The following ROBO1 variants were observed in gnomAD, a reference collection of about 807,000 sequenced individuals.
The protein encoded by ROBO1 is roundabout homolog 1.
ROBO1 carries 149 observed loss-of-function variants against 195.9 expected under a neutral mutation model. The ratio of observed to expected loss-of-function variants is 0.76; its 90% CI spans 0.67 to 0.87. ROBO1 has a LOEUF of 0.87. Among genes scored for constraint, ROBO1 ranks in the 40% least tolerant of loss-of-function variants. ROBO1 has a pLI of 0.00. For missense variants in ROBO1, 1,933 were observed against 2,068.3 expected, an observed-to-expected ratio of 0.93 and a Z score of 1.27; for synonymous variants, 816 against 733.2, an observed-to-expected ratio of 1.11 and a Z score of -1.82.
chr3:79,548,977 A>C (rs1040248243), intron 2 of ROBO1, among the ~76,000 whole-genome samples: 3 of 152,156 alleles, frequency 2.0e-5, no homozygotes, highest in African/African-American at 7.2e-5. Context: ...GGTCATTGCC[A>C]GTGGATGAAG....
In ROBO1 at chr3:78,598,377, T is replaced by C. The variant is rs528468517; in HGVS notation, c.*536A>G. ...TGTTTGTGGTTCTGCATTTGCTATA[T>C]TTTTAGTTTCTTCCAGCAAAGGGTA... On this transcript the variant is annotated 3_prime_UTR_variant, in exon 31 of 31. Coordinates refer to ENST00000464233, the MANE Select transcript of ROBO1 (RefSeq NM_002941.4). The C allele has an allele frequency of 6.5e-6, 1 of 152,700 alleles. No homozygotes were observed. The highest frequency in any genetic ancestry group is 2.1e-4 in the South Asian group (1 of 4,832). 9.5% of individuals were successfully genotyped at this position (152,700 alleles called of 1,614,324 possible).
At chr3:78,655,824 T>C (rs2107640309) in intron 18 of ROBO1, among the ~76,000 whole-genome samples, 1 of 152,328 alleles carries the variant, frequency 6.6e-6, no homozygotes, top group Admixed American at 6.5e-5. Context: ...TAACAACTGA[T>C]TGTAATATTA....
chr3:79,725,693 T>C (rs1014662244), intron 1 of ROBO1, among the ~76,000 whole-genome samples: 3 of 152,164 alleles, frequency 2.0e-5, no homozygotes, highest in East Asian at 1.9e-4. Flanking sequence ...TCTTCTTTTA[T>C]GTGGTAGAAT....
chr3:79,748,756 C>T (rs760112892), intron 1 of ROBO1, among the ~76,000 whole-genome samples: 2 of 152,126 alleles, frequency 1.3e-5, no homozygotes, highest in African/African-American at 4.8e-5. Flanking sequence ...TTTGCCTGCA[C>T]GAGCTCTTTG....
chr3:79,486,661 G>T (rs1038764598), intron 2 of ROBO1, among the ~76,000 whole-genome samples: 6 of 152,140 alleles, frequency 3.9e-5, no homozygotes, highest in Admixed American at 1.3e-4. Context: ...TTTTTAGGTA[G>T]GGTTCGGGGC....
chr3:79,050,190 A>G (rs1371520976), intron 3 of ROBO1, among the ~76,000 whole-genome samples: 1 of 152,146 alleles, frequency 6.6e-6, no homozygotes, highest in African/African-American at 2.4e-5. Flanking sequence ...AAATAAAGGG[A>G]TGGAGGAAGA....
At chr3:78,996,312 T>C (rs1280264563) in intron 3 of ROBO1, among the ~76,000 whole-genome samples, 2 of 130,536 alleles carry the variant, frequency 1.5e-5, no homozygotes, top group East Asian at 2.3e-4. Flanking sequence ...CTGAAACCCA[T>C]CTCTATTAAA....
chr3:79,335,849 A>G (rs1328113844), intron 2 of ROBO1, among the ~76,000 whole-genome samples: 1 of 152,150 alleles, frequency 6.6e-6, no homozygotes, highest in African/African-American at 2.4e-5. Context: ...CTTCCTAGAG[A>G]CTTGTTGAAT....
intron 2 of ROBO1, among the ~76,000 whole-genome samples, chr3:79,186,401 C>T (rs1273878842): frequency 6.6e-6 from 1 of 151,848 alleles, no homozygotes; most frequent in Non-Finnish European, 1.5e-5. Context: ...TACATGTCTA[C>T]AAACACACAC....
At chr3:79,605,909 G>A (rs557861994) in intron 1 of ROBO1, among the ~76,000 whole-genome samples, 3 of 151,432 alleles carry the variant, frequency 2.0e-5, no homozygotes, top group East Asian at 2.0e-4. Context: ...CAATGCTTTC[G>A]AGTAAAACAC....
intron 4 of ROBO1, among the ~76,000 whole-genome samples, chr3:78,775,168 TGA>T (rs1316014494): frequency 6.6e-6 from 1 of 152,202 alleles, no homozygotes; most frequent in Non-Finnish European, 1.5e-5. Flanking sequence ...AACCATCCAG[TGA>T]AATGCTATCT....
At chr3:79,173,347 C>T (rs113772953) in intron 2 of ROBO1, among the ~76,000 whole-genome samples, 2,767 of 152,196 alleles carry the variant, frequency 0.018, 35 homozygotes, top group South Asian at 0.026. Flanking sequence ...GGGAGAGGCG[C>T]GAGTGGGAAC....
chr3:79,309,020 A>G (rs1174082757), intron 2 of ROBO1, among the ~76,000 whole-genome samples: 1 of 152,122 alleles, frequency 6.6e-6, no homozygotes, highest in Non-Finnish European at 1.5e-5. Context: ...TGTCATAGGG[A>G]CATTGTCTCA....
At chr3:79,047,447 C>T (rs1346676873) in intron 3 of ROBO1, among the ~76,000 whole-genome samples, 1 of 151,960 alleles carries the variant, frequency 6.6e-6, no homozygotes, top group African/African-American at 2.4e-5. Flanking sequence ...TCAGAAATGG[C>T]TTTGGAGTGC....
intron 2 of ROBO1, among the ~76,000 whole-genome samples, chr3:79,276,349 C>G (rs766823881): frequency 1.3e-5 from 2 of 151,684 alleles, no homozygotes; most frequent in Non-Finnish European, 3.0e-5. Context: ...TTTGACAAAC[C>G]AAGAACTAAC....
rs117206039 is a variant in ROBO1 at position 79,538,571 on chromosome 3, C to T, written c.88+51253G>A. On this transcript the variant is annotated intron_variant, in intron 2 of 30. Transcript: ENST00000464233. ...ATGTTTACTGTTGGTTACCTGCAAC[C>T]GAAAAGGTACATGGCAGACCCTGGC... Among the ~76,000 whole-genome samples, 53 of 152,078 alleles carry T rather than the reference C, an allele frequency of 3.5e-4. No homozygotes were observed. The East Asian group carries it at 8.5e-3, about 24-fold the overall frequency.
intron 8 of ROBO1, among the ~76,000 whole-genome samples, chr3:78,692,652 T>C (rs1193190691): frequency 6.6e-6 from 1 of 152,212 alleles, no homozygotes; most frequent in East Asian, 1.9e-4. Flanking sequence ...GTTTGCATAT[T>C]CATGTACAAT....
chr3:79,391,644 T>C (rs1465210730), intron 2 of ROBO1, among the ~76,000 whole-genome samples: 5 of 152,162 alleles, frequency 3.3e-5, no homozygotes, highest in Non-Finnish European at 7.3e-5. Flanking sequence ...ATGTGAATTG[T>C]ATATAGTATT....
intron 1 of ROBO1, among the ~76,000 whole-genome samples, chr3:79,761,593 C>G (rs1160589979): frequency 2.6e-5 from 4 of 152,174 alleles, no homozygotes; most frequent in African/African-American, 9.7e-5. Context: ...AAGTACTCTG[C>G]ACAGCAGCAC....
Sources: allele counts gnomAD v4.1 joint callset (sites outside exome capture counted in the v4.1 genomes callset), GRCh38; gene constraint gnomAD v4.1.1; transcripts MANE v1.5; gene names NCBI Gene and HGNC (gene_info 2026-07-23, HGNC 2026-07-21).